OVCH2: variants seen among roughly 807,000 people sequenced by gnomAD.
The protein encoded by OVCH2 is ovochymase-2.
A neutral mutation model predicts 73.7 loss-of-function variants in OVCH2; 88 were observed. That is an observed-to-expected ratio of 1.19 (90% CI 1.01 to 1.43). The LOEUF is 1.43. OVCH2 is among the 40% of genes most tolerant of loss of function. The probability of loss-of-function intolerance (pLI) is 0.00; values close to 1 mark genes in which losing one functional copy is unlikely to be tolerated. For missense variants in OVCH2, 706 were observed against 674.5 expected, an observed-to-expected ratio of 1.05 and a Z score of -0.52; for synonymous variants, 265 against 234.5, an observed-to-expected ratio of 1.13 and a Z score of -1.19.
At position 7,695,572 on chromosome 11, in the gene OVCH2, G is replaced by A. The variant is rs756172332; in HGVS notation, c.1280C>T (p.Pro427Leu). 1.2e-6 allele frequency: 2 copies of A among 1,612,378 alleles called. No individual in the cohort carries two copies. Among genetic ancestry groups the A allele is most frequent in the South Asian group, 1.1e-5 (1 of 90,854 alleles). ...TYKALKPNYI[P>L]DSGCSYLTVL... ...TGATTAAAAGTAAATGGTTTTACCA[G>A]GAATGTAGTTTGGTTTAAGAGCTTT... The change falls in exon 11 of 16, where the codon CCT (proline) becomes CTT (leucine). Residue 427 changes from proline to leucine, a missense_variant and splice_region_variant. Physicochemically the swap from Pro to Leu is moderately conservative, Grantham distance 98 (BLOSUM62 -3). Coordinates refer to ENST00000533663, the MANE Select transcript of OVCH2 (RefSeq NM_198185.7).
intron 14 of OVCH2, 96 bp downstream of exon 14, chr11:7,691,173 G>T (rs1256164623): frequency 3.6e-6 from 5 of 1,406,912 alleles, no homozygotes; most frequent in Non-Finnish European, 3.9e-6. Context: ...CAGATAGTGA[G>T]AATCGACTGT....
At chr11:7,703,976 C>G (rs957356419) in intron 2 of OVCH2, among the ~76,000 whole-genome samples, 187 bp from the exon 3 acceptor site, 3 of 152,132 alleles carry the variant, frequency 2.0e-5, no homozygotes, top group African/African-American at 7.2e-5. Flanking sequence ...CAACCCTGGT[C>G]TAGATGAGAG....
chr11:7,696,395 A>G lies in OVCH2; in HGVS notation c.1141+70T>C, dbSNP rs371163164. ...ATTTACAGATGGCTGAGTGCCAGACATAAGATAACTAGGCCTCATTAAGCC... is the reference window on the plus strand; with the variant it reads ...ATTTACAGATGGCTGAGTGCCAGACGTAAGATAACTAGGCCTCATTAAGCC... On this transcript the variant is annotated intron_variant, in intron 10 of 15. Transcript: ENST00000533663. The G allele has an allele frequency of 5.2e-5, 82 of 1,583,166 alleles. No individual in the cohort carries two copies. In the East Asian group the frequency reaches 1.6e-3, roughly 31 times the overall value.
intron 2 of OVCH2, 105 bp from the exon 3 acceptor site, chr11:7,703,894 A>G: frequency 1.1e-6 from 1 of 877,478 alleles, no homozygotes; most frequent in Non-Finnish European, 1.8e-6. Flanking sequence ...TCACACTCGT[A>G]AATGTCAAGA....
At chr11:7,679,919 G>A in the OVCH2 span, among the ~76,000 whole-genome samples, 1 of 152,192 alleles carries the variant, frequency 6.6e-6, no homozygotes, top group Non-Finnish European at 1.5e-5. Flanking sequence ...AACACGTGGA[G>A]GTCCCTAGGG....
intron 7 of OVCH2, 112 bp downstream of exon 7, chr11:7,700,184 A>G: frequency 9.8e-7 from 1 of 1,022,938 alleles, no homozygotes; most frequent in Non-Finnish European, 1.4e-6. Flanking sequence ...TACACTGAGA[A>G]CAGAGGTAGA....
chr11:7,687,383 T>C (rs1427611084), downstream of OVCH2, among the ~76,000 whole-genome samples: 1 of 151,976 alleles, frequency 6.6e-6, no homozygotes, highest in Non-Finnish European at 1.5e-5. Context: ...AGGCTAAGGC[T>C]GAGAAATAAA....
Position 7,702,219 on chromosome 11 carries a change from G to C in OVCH2, c.401C>G (p.Ser134Cys), listed in dbSNP as rs148727452. The change falls in exon 4 of 16, where the codon TCC (serine) becomes TGC (cysteine). Residue 134 changes from serine (S) to cysteine (C), a missense_variant. Coordinates refer to ENST00000533663, the MANE Select transcript of OVCH2 (RefSeq NM_198185.7). ...ATCATAGTCCATTGGTTTCTTGGTG[G>C]AGAAATGTGGATGTATGATGACAGT... Reference protein sequence around the residue: ...IETVIIHPHFSTKKPMDYDIA... With the variant: ...IETVIIHPHFCTKKPMDYDIA... 4.3e-6 allele frequency: 7 copies of C among 1,613,006 alleles called. No homozygotes were observed. In the African/African-American group the frequency reaches 8.0e-5, roughly 18 times the overall value.
intron 1 of OVCH2, chr11:7,705,331 G>A (rs1367276953): frequency 1.3e-5 from 2 of 152,094 alleles, no homozygotes; most frequent in African/African-American, 4.8e-5. Flanking sequence ...TGAATTATTT[G>A]CCTCTATCAT....
intron 7 of OVCH2, chr11:7,699,799 C>T (rs1185483819): frequency 6.5e-6 from 1 of 153,226 alleles, no homozygotes; most frequent in Non-Finnish European, 1.5e-5. Flanking sequence ...TGTTTAGCAG[C>T]ATCCAAGTCC....
chr11:7,701,438 C>T lies in OVCH2; in HGVS notation c.597G>A (p.Leu199=). 1 of 1,612,394 alleles carries T rather than the reference C, an allele frequency of 6.2e-7. No homozygotes were observed. Among genetic ancestry groups the T allele is most frequent in the South Asian group, 1.1e-5 (1 of 90,542 alleles). ...VLSQVLQEVN[L]PILTWEECVA... ...CACACTCTTCCCAGGTCAAAATAGG[C>T]AGATTCACTTCCTGCAAGACTTGTG... Residue 199 remains leucine (L), a synonymous_variant, in exon 6 of 16, where the codon CTG becomes CTA. Coordinates refer to ENST00000533663, the MANE Select transcript of OVCH2 (RefSeq NM_198185.7).
chr11:7,692,907 C>T (rs1227438453), intron 12 of OVCH2, among the ~76,000 whole-genome samples: 1 of 152,154 alleles, frequency 6.6e-6, no homozygotes, highest in African/African-American at 2.4e-5. Context: ...TCCTTGAGAC[C>T]TGTATTTTTT....
rs1399016160 is a variant in OVCH2 at position 7,700,413 on chromosome 11, C to T, written c.784G>A (p.Gly262Ser). Residue 262 changes from glycine to serine, a missense_variant, in exon 7 of 16, where the codon GGT becomes AGT. By Grantham distance (56) the Gly-to-Ser change is moderately conservative (BLOSUM62 0). Transcript: ENST00000533663. ...CTCCAGCCTCGACCACAGCCCAAAC[C>T]CCAGGAAGTCACACCAGCCAGAGTC... The part of the protein sequence containing the change: ...AWTLAGVTSW[G>S]LGCGRGWRNN... The T allele has an allele frequency of 2.5e-6, 4 of 1,612,800 alleles. No individual in the cohort carries two copies. The highest frequency in any genetic ancestry group is 1.7e-6 in the Non-Finnish European group (2 of 1,179,494).
chr11:7,704,933 A>G (rs1302180147), intron 1 of OVCH2, among the ~76,000 whole-genome samples: 1 of 149,380 alleles, frequency 6.7e-6, no homozygotes, highest in Non-Finnish European at 1.5e-5. Context: ...AGAAGAAAAA[A>G]CTCCTCCCTC....
At chr11:7,689,688 TC>T (rs1265284853) in intron 15 of OVCH2, 86 bp from the exon 16 acceptor site, 3 of 604,134 alleles carry the variant, frequency 5.0e-6, no homozygotes, top group African/African-American at 3.6e-5. Flanking sequence ...CTTCCAATTT[TC>T]TCCTTTTAAT....
chr11:7,681,682 CCAGA>C, the OVCH2 span, among the ~76,000 whole-genome samples: 2 of 151,950 alleles, frequency 1.3e-5, no homozygotes, highest in Non-Finnish European at 2.9e-5. Context: ...GTTAGAGCCT[CCAGA>C]AGGAATTGCT....
chr11:7,696,407 G>A, intron 10 of OVCH2, 58 bp downstream of exon 10: 3 of 1,601,878 alleles, frequency 1.9e-6, no homozygotes, highest in Middle Eastern at 3.3e-4. Context: ...AAGATAACTA[G>A]GCCTCATTAA....
chr11:7,695,206 G>C lies in OVCH2; in HGVS notation c.1283-18C>G, dbSNP rs1228699676. 1.3e-6 allele frequency: 2 copies of C among 1,549,256 alleles called. No individual in the cohort carries two copies. Among genetic ancestry groups the C allele is most frequent in the African/African-American group, 1.4e-5 (1 of 72,516 alleles). On this transcript the variant is annotated intron_variant, in intron 11 of 15. Transcript: ENST00000533663. ...ACCTGAATCTGAAACGTAAGAAAAA[G>C]TCCAAACAGATGGCACCATTCAAAT...
downstream of OVCH2, among the ~76,000 whole-genome samples, chr11:7,687,923 T>C (rs1185614326): frequency 6.6e-6 from 1 of 152,064 alleles, no homozygotes; most frequent in Non-Finnish European, 1.5e-5. Flanking sequence ...CAAGCTCTTG[T>C]GCGTCTCTTC....
Sources: gnomAD v4.1 joint callset for allele counts (sites outside exome capture counted in the v4.1 genomes callset) on GRCh38, gnomAD v4.1.1 for gene constraint, MANE v1.5 for transcripts, NCBI Gene and HGNC (gene_info 2026-07-23, HGNC 2026-07-21) for gene names.